Variants in DCC observed in about 807,000 individuals in gnomAD.
DCC encodes the protein DCC netrin 1 receptor, also known as netrin receptor DCC.
Under a neutral mutation model 172.5 loss-of-function variants are expected in DCC, and 58 were observed. The ratio of observed to expected loss-of-function variants is 0.34; its 90% CI spans 0.27 to 0.42. DCC has a LOEUF of 0.42. Among genes scored for constraint, DCC ranks in the 10% least tolerant of loss-of-function variants. The pLI is 1.00. For synonymous variants in DCC, 709 were observed against 644.5 expected, an observed-to-expected ratio of 1.10 and a Z score of -1.52; for missense variants, 1,740 against 1,791.0, an observed-to-expected ratio of 0.97 and a Z score of 0.51.
intron 5 of DCC, among the ~76,000 whole-genome samples, chr18:52,972,132 G>T (rs781034871): frequency 4.6e-5 from 7 of 152,272 alleles, no homozygotes; most frequent in African/African-American, 9.6e-5. Context: ...ACCTCCACTG[G>T]TCAAATATCC....
chr18:53,341,465 A>G (rs529294119), intron 15 of DCC, among the ~76,000 whole-genome samples: 1 of 152,202 alleles, frequency 6.6e-6, no homozygotes, highest in African/African-American at 2.4e-5. Flanking sequence ...AATATATTCT[A>G]AAGAGCTAGG....
chr18:52,354,640 T>C (rs1984280481), intron 1 of DCC, among the ~76,000 whole-genome samples: 2 of 152,232 alleles, frequency 1.3e-5, no homozygotes, highest in African/African-American at 2.4e-5. Flanking sequence ...AGTACAGTGC[T>C]GAATGCATAT....
At chr18:52,468,069 G>T (rs1270094657) in intron 1 of DCC, among the ~76,000 whole-genome samples, 1 of 152,152 alleles carries the variant, frequency 6.6e-6, no homozygotes, top group Non-Finnish European at 1.5e-5. Flanking sequence ...CTAAGTAATA[G>T]TTATGTTCAT....
At chr18:52,614,191 A>T (rs1224825809) in intron 1 of DCC, among the ~76,000 whole-genome samples, 1 of 152,182 alleles carries the variant, frequency 6.6e-6, no homozygotes, top group African/African-American at 2.4e-5. Flanking sequence ...CATATAATTT[A>T]ATGTTAAAAA....
Position 53,531,854 on chromosome 18 carries a change from G to A in DCC, c.*1201G>A, listed in dbSNP as rs2046528384. 1 of 152,208 alleles carries A rather than the reference G, an allele frequency of 6.6e-6. No individual in the cohort carries two copies. The allele number at this position is 152,208 out of a possible 1,614,324, so 9.4% of individuals were successfully genotyped here. ...GTGTCAGAGTCAGGGGGAAGCAGAG[G>A]GGCAGGTGCCACCTGACACTTCCGA... On this transcript the variant is annotated 3_prime_UTR_variant, in exon 29 of 29. Transcript: ENST00000442544.
intron 1 of DCC, among the ~76,000 whole-genome samples, chr18:52,573,654 A>G (rs9946542): frequency 0.12 from 17,832 of 152,068 alleles, 1,503 homozygotes; most frequent in East Asian, 0.4. Flanking sequence ...GTCTCTTTCT[A>G]TTTCACTGGT....
intron 3 of DCC, among the ~76,000 whole-genome samples, chr18:52,915,887 CTG>C (rs796901491): frequency 1.1e-4 from 17 of 152,146 alleles, no homozygotes; most frequent in Admixed American, 2.6e-4. Flanking sequence ...TTTTATGAGA[CTG>C]TGTCTGCATT....
intron 1 of DCC, among the ~76,000 whole-genome samples, chr18:52,613,321 G>T (rs2034309755): frequency 6.6e-6 from 1 of 151,960 alleles, no homozygotes; most frequent in East Asian, 1.9e-4. Context: ...ATTGGTGCTA[G>T]CTCAGCTCAC....
chr18:52,479,548 GTC>G (rs1463414545), intron 1 of DCC, among the ~76,000 whole-genome samples: 1 of 147,028 alleles, frequency 6.8e-6, no homozygotes. Context: ...CTCTCTCTCT[GTC>G]TCTCTCTCTC....
At chr18:52,682,744 AG>A (rs946753748) in intron 1 of DCC, among the ~76,000 whole-genome samples, 2 of 152,138 alleles carry the variant, frequency 1.3e-5, no homozygotes, top group African/African-American at 2.4e-5. Flanking sequence ...AGACAGAGTG[AG>A]GTGGATAATG....
At chr18:52,905,047 C>T (rs1025427395) in intron 2 of DCC, among the ~76,000 whole-genome samples, 3 of 152,068 alleles carry the variant, frequency 2.0e-5, no homozygotes, top group Non-Finnish European at 4.4e-5. Flanking sequence ...AAGGTGAAAA[C>T]ACCTACCCCT....
intron 7 of DCC, among the ~76,000 whole-genome samples, chr18:53,137,553 G>A (rs1331607587): frequency 6.6e-6 from 1 of 152,102 alleles, no homozygotes; most frequent in Non-Finnish European, 1.5e-5. Flanking sequence ...GCCATGTAAT[G>A]TAATCTAACC....
intron 2 of DCC, among the ~76,000 whole-genome samples, chr18:52,763,314 T>C (rs2037192405): frequency 6.6e-6 from 1 of 152,230 alleles, no homozygotes; most frequent in Non-Finnish European, 1.5e-5. Context: ...GTTGGTTTTA[T>C]TGGATTGGAT....
chr18:52,719,874 G>A lies in DCC; in HGVS notation c.92-32180G>A, dbSNP rs141742338. Among the ~76,000 whole-genome samples the A allele has an allele frequency of 8.8e-4, 134 of 152,278 alleles. No homozygotes were observed. In the East Asian group the frequency reaches 0.024, roughly 28 times the overall value. On this transcript the variant is annotated intron_variant, in intron 1 of 28. Transcript: ENST00000442544. ...GGCTAGGATACAGTGAGCAAGGCCC[G>A]GCAGGGCATGGGATAAGGAGTGGGT... is the stretch of plus-strand genomic sequence containing the variant.
chr18:53,248,607 G>C (rs1344873009), intron 12 of DCC, among the ~76,000 whole-genome samples: 4 of 152,000 alleles, frequency 2.6e-5, no homozygotes, highest in Non-Finnish European at 4.4e-5. Context: ...GCTGGCTCCT[G>C]TCATGTGTGA....
At chr18:53,102,818 CA>C (rs1352971023) in intron 7 of DCC, among the ~76,000 whole-genome samples, 1 of 151,328 alleles carries the variant, frequency 6.6e-6, no homozygotes, top group Non-Finnish European at 1.5e-5. Flanking sequence ...GCACATCACC[CA>C]AAGGCTACCA....
chr18:52,554,712 G>C (rs2032865030), intron 1 of DCC, among the ~76,000 whole-genome samples: 1 of 152,064 alleles, frequency 6.6e-6, no homozygotes, highest in South Asian at 2.1e-4. Flanking sequence ...GCCAGAATAT[G>C]TCTTCCATGA....
chr18:52,993,378 G>A (rs1306262204), intron 5 of DCC, among the ~76,000 whole-genome samples: 1 of 152,084 alleles, frequency 6.6e-6, no homozygotes, highest in Admixed American at 6.5e-5. Flanking sequence ...TATAGGAGGA[G>A]CACATTATAA....
intron 2 of DCC, among the ~76,000 whole-genome samples, chr18:52,775,270 A>G (rs993862528): frequency 1.3e-5 from 2 of 152,102 alleles, no homozygotes; most frequent in African/African-American, 4.8e-5. Flanking sequence ...ATGGGGTTCC[A>G]ACCCCATGGC....
Sources: gnomAD v4.1 joint callset for allele counts (sites outside exome capture counted in the v4.1 genomes callset) on GRCh38, gnomAD v4.1.1 for gene constraint, MANE v1.5 for transcripts, NCBI Gene and HGNC (gene_info 2026-07-23, HGNC 2026-07-21) for gene names.